SLC22A12: variants seen among roughly 807,000 people sequenced by gnomAD.
SLC22A12 encodes solute carrier family 22 member 12.
SLC22A12 carries 56 observed loss-of-function variants against 52.7 expected under a neutral mutation model. That is an observed-to-expected ratio of 1.06 (90% CI 0.86 to 1.33). SLC22A12 has a LOEUF of 1.33. Ranked by LOEUF, SLC22A12 falls within the 40% of genes most tolerant of loss-of-function variation. The pLI is 0.00. For synonymous variants in SLC22A12, 337 were observed against 324.6 expected (o/e 1.04, Z -0.41); for missense variants, 683 against 741.5 (o/e 0.92, Z 0.92).
intron 4 of SLC22A12, 144 bp from the exon 5 acceptor site, chr11:64,598,372 G>C: frequency 1.7e-6 from 2 of 1,150,850 alleles, no homozygotes; most frequent in Non-Finnish European, 2.5e-6. Context: ...AAGAGGGCTT[G>C]GCTGCCACAA....
chr11:64,593,422 T>C lies in SLC22A12; in HGVS notation c.524T>C (p.Val175Ala), dbSNP rs1355952130. The C allele has an allele frequency of 2.5e-6, 4 of 1,614,140 alleles. No individual in the cohort carries two copies. The highest frequency in any genetic ancestry group is 2.2e-5 in the East Asian group (1 of 44,884). Residue 175 changes from valine (V) to alanine (A), a missense_variant, in exon 3 of 10, where the codon GTG (valine) becomes GCG (alanine). Val to Ala is a moderately conservative substitution (Grantham distance 64). Transcript: ENST00000377574. Reference sequence around the variant, plus strand: ...TGCCGCAGGTTTGGGCGCAGGCTGGTGCTAACCTGGAGCTACCTTCAGATG... The same window carrying C: ...TGCCGCAGGTTTGGGCGCAGGCTGGCGCTAACCTGGAGCTACCTTCAGATG... Reference protein sequence around the residue: ...PASDRFGRRLVLTWSYLQMAV... With the variant: ...PASDRFGRRLALTWSYLQMAV...
chr11:64,599,728 G>C lies in SLC22A12; in HGVS notation c.1123G>C (p.Gly375Arg). Residue 375 changes from glycine (G) to arginine (R), a missense_variant, in exon 7 of 10, where the codon GGC (glycine) becomes CGC (arginine). Coordinates refer to ENST00000377574, the MANE Select transcript of SLC22A12 (RefSeq NM_144585.4). ...CCTGGCCCTGGACCTGCAGGCCCTGGGCAGCAACATCTTCCTGCTCCAAAT... is the reference window on the plus strand; with the variant it reads ...CCTGGCCCTGGACCTGCAGGCCCTGCGCAGCAACATCTTCCTGCTCCAAAT... ...FGLALDLQALGSNIFLLQMFI... is the reference protein window; with the variant it reads ...FGLALDLQALRSNIFLLQMFI... The C allele has an allele frequency of 6.2e-7, 1 of 1,611,792 alleles. No homozygotes were observed. Among genetic ancestry groups the C allele is most frequent in the Non-Finnish European group, 8.5e-7 (1 of 1,179,570 alleles).
chr11:64,598,787 C>T (rs1466380022), intron 5 of SLC22A12, 21 bp from the exon 6 acceptor site: 16 of 1,611,818 alleles, frequency 9.9e-6, no homozygotes, highest in Middle Eastern at 1.7e-4. Flanking sequence ...GTGCCAACAG[C>T]ACCCACCCCC....
Position 64,591,420 on chromosome 11 carries a change from T to C in SLC22A12, c.-137T>C. The C allele has an allele frequency of 8.3e-7, 1 of 1,199,738 alleles. No individual in the cohort carries two copies. Among genetic ancestry groups the C allele is most frequent in the Non-Finnish European group, 1.2e-6 (1 of 851,784 alleles). 74.3% of individuals were successfully genotyped at this position (1,199,738 alleles called of 1,614,324 possible). ...GAGCCTGAGCCTCCGGCCCCGAGTC[T>C]GTGAAGCCTAGCCGCTGGGCTGGAG... On this transcript the variant is annotated 5_prime_UTR_variant, in exon 1 of 10. Transcript: ENST00000377574.
chr11:64,601,944 T>C lies in SLC22A12; in HGVS notation c.*393T>C. The C allele has an allele frequency of 5.8e-6, 2 of 344,676 alleles. No homozygotes were observed. Among genetic ancestry groups the C allele is most frequent in the Non-Finnish European group, 1.1e-5 (2 of 175,006 alleles). 21.4% of individuals were successfully genotyped at this position (344,676 alleles called of 1,614,324 possible). On this transcript the variant is annotated 3_prime_UTR_variant, in exon 10 of 10. Coordinates refer to ENST00000377574, the MANE Select transcript of SLC22A12 (RefSeq NM_144585.4). The stretch of plus-strand genomic sequence containing the variant: ...AGAGCTCAGAGCTAACCACCATCCA[T>C]GGTCAAGACCTCTCCTAGCTCCACA...
intron 4 of SLC22A12, among the ~76,000 whole-genome samples, chr11:64,597,876 G>C (rs927986649): frequency 1.3e-5 from 2 of 152,270 alleles, no homozygotes; most frequent in African/African-American, 4.8e-5. Context: ...GAGGTGCTGG[G>C]CTCATGAGGC....
At chr11:64,598,973 G>A (rs765974206) in intron 6 of SLC22A12, 50 bp downstream of exon 6, 6 of 1,597,884 alleles carry the variant, frequency 3.8e-6, no homozygotes, top group East Asian at 2.3e-5. Flanking sequence ...CTGGAATCGG[G>A]GCTCTCGCTG....
At position 64,599,862 on chromosome 11, in the gene SLC22A12, C is replaced by T. The variant is rs2039393713; in HGVS notation, c.1257C>T (p.Cys419=). Residue 419 remains cysteine (C), a synonymous_variant, in exon 7 of 10, where the codon TGC becomes TGT. Transcript: ENST00000377574. The part of the protein sequence containing the change: ...LAASLLLAGL[C]ILANTLVPHE... ...CATCCCTGTTGCTGGCAGGGCTCTG[C>T]ATTCTGGCCAACACGCTGGTGCCCC... is the stretch of plus-strand genomic sequence containing the variant. The T allele has an allele frequency of 1.2e-5, 19 of 1,612,650 alleles. No homozygotes were observed. The highest frequency in any genetic ancestry group is 1.6e-5 in the Non-Finnish European group (19 of 1,179,766).
In SLC22A12 at chr11:64,601,952, A is replaced by G. The variant is rs534988414; in HGVS notation, c.*401A>G. ...GAGCTAACCACCATCCATGGTCAAG[A>G]CCTCTCCTAGCTCCACACAAGCAGT... On this transcript the variant is annotated 3_prime_UTR_variant, in exon 10 of 10. Coordinates refer to ENST00000377574, the MANE Select transcript of SLC22A12 (RefSeq NM_144585.4). 24 of 332,400 alleles carry G rather than the reference A, an allele frequency of 7.2e-5. No homozygotes were observed. The East Asian group carries it at 1.8e-3, about 24-fold the overall frequency. The allele number at this position is 332,400 out of a possible 1,614,324, so 20.6% of individuals were successfully genotyped here.
chr11:64,600,217 G>A, intron 7 of SLC22A12, 150 bp from the exon 8 acceptor site: 1 of 758,196 alleles, frequency 1.3e-6, no homozygotes, highest in East Asian at 2.7e-5. Context: ...GTGGCCATGA[G>A]GCCACTCAGG....
rs912750875 is a variant in SLC22A12, at chr11:64,601,730, G to A, written c.*179G>A. The A allele has an allele frequency of 1.2e-5, 8 of 669,802 alleles. No individual in the cohort carries two copies. The highest frequency in any genetic ancestry group is 2.1e-5 in the Non-Finnish European group (8 of 380,090). The allele number at this position is 669,802 out of a possible 1,614,324, so 41.5% of individuals were successfully genotyped here. A position where few individuals can be genotyped will look rare whatever the true frequency, so the allele number is the denominator to read the frequency against. Reference sequence around the variant, plus strand: ...CCCTGCCCCTCTCACAGTCCAAGGGGCCCCCTTCAATACTGAAGGGGAAAA... The same window carrying A: ...CCCTGCCCCTCTCACAGTCCAAGGGACCCCCTTCAATACTGAAGGGGAAAA... On this transcript the variant is annotated 3_prime_UTR_variant, in exon 10 of 10. Coordinates refer to ENST00000377574, the MANE Select transcript of SLC22A12 (RefSeq NM_144585.4).
chr11:64,600,528 GCACCCCCAGGCA>G, intron 8 of SLC22A12, 53 bp downstream of exon 8: 1 of 1,468,374 alleles, frequency 6.8e-7, no homozygotes, highest in East Asian at 2.4e-5. Flanking sequence ...GAGCTGCGGG[GCACCCCCAGGCA>G]GGACTGGCTT....
At position 64,600,865 on chromosome 11, in the gene SLC22A12, G is replaced by C; in HGVS notation, c.1525G>C (p.Gly509Arg). The part of the protein sequence containing the change: ...LVYGTVPVLS[G>R]LAALLLPETQ... ...GTATGGGACGGTGCCAGTGCTGAGTGGCCTGGCCGCACTGCTTCTGCCCGA... is the reference window on the plus strand; with the variant it reads ...GTATGGGACGGTGCCAGTGCTGAGTCGCCTGGCCGCACTGCTTCTGCCCGA... The change falls in exon 9 of 10, where the codon GGC becomes CGC. Residue 509 changes from glycine (G) to arginine (R), a missense_variant. Coordinates refer to ENST00000377574, the MANE Select transcript of SLC22A12 (RefSeq NM_144585.4). The C allele has an allele frequency of 6.2e-7, 1 of 1,609,168 alleles. No individual in the cohort carries two copies. Among genetic ancestry groups the C allele is most frequent in the Non-Finnish European group, 8.5e-7 (1 of 1,179,974 alleles).
chr11:64,591,414 C>T lies in SLC22A12; in HGVS notation c.-143C>T, dbSNP rs895427634. On this transcript the variant is annotated 5_prime_UTR_variant, in exon 1 of 10. Transcript: ENST00000377574. ...ACCAGAGAGCCTGAGCCTCCGGCCCCGAGTCTGTGAAGCCTAGCCGCTGGG... is the reference window on the plus strand; with the variant it reads ...ACCAGAGAGCCTGAGCCTCCGGCCCTGAGTCTGTGAAGCCTAGCCGCTGGG... 5.3e-6 allele frequency: 6 copies of T among 1,139,066 alleles called. No individual in the cohort carries two copies. The highest frequency in any genetic ancestry group is 1.5e-5 in the African/African-American group (1 of 64,792). The allele number at this position is 1,139,066 out of a possible 1,614,324, so 70.6% of individuals were successfully genotyped here. A position where few individuals can be genotyped will look rare whatever the true frequency, so the allele number is the denominator to read the frequency against.
Position 64,593,461 on chromosome 11 carries a change from C to A in SLC22A12, c.563C>A (p.Thr188Lys). 1 of 1,614,112 alleles carries A rather than the reference C, an allele frequency of 6.2e-7. No homozygotes were observed. ...WSYLQMAVMG[T>K]AAAFAPAFPV... The stretch of plus-strand genomic sequence containing the variant: ...TACCTTCAGATGGCTGTGATGGGTA[C>A]GGCAGCTGCCTTCGCCCCTGCCTTC... Residue 188 changes from threonine (T) to lysine (K), a missense_variant, in exon 3 of 10, where the codon ACG becomes AAG. Thr to Lys is a moderately conservative substitution (Grantham distance 78). Transcript: ENST00000377574.
At chr11:64,594,892 A>AATGG (rs1430231193) in intron 4 of SLC22A12, among the ~76,000 whole-genome samples, 1 of 114,284 alleles carries the variant, frequency 8.8e-6, no homozygotes, top group African/African-American at 3.3e-5. Flanking sequence ...GGATGGATGG[A>AATGG]ATGGATGGAT....
chr11:64,601,411 T>A, intron 9 of SLC22A12, 77 bp from the exon 10 acceptor site: 1 of 1,453,778 alleles, frequency 6.9e-7, no homozygotes, highest in Non-Finnish European at 9.5e-7. Flanking sequence ...TTCCCTGGAG[T>A]CCTTGGGATG....
In SLC22A12 at chr11:64,591,824, C is replaced by T. The variant is rs759293917; in HGVS notation, c.268C>T (p.Arg90Cys). The T allele has an allele frequency of 1.6e-5, 25 of 1,612,064 alleles. No homozygotes were observed. Among genetic ancestry groups the T allele is most frequent in the Middle Eastern group, 1.6e-4 (1 of 6,072 alleles). The change falls in exon 1 of 10, where the codon CGC becomes TGC. Residue 90 changes from arginine to cysteine, a missense_variant. Arg to Cys is a radical substitution (Grantham distance 180). Coordinates refer to ENST00000377574, the MANE Select transcript of SLC22A12 (RefSeq NM_144585.4). ...GPNQRPHQCR[R>C]FRQPQWQLLD... Reference sequence around the variant, plus strand: ...CAACCAGAGGCCCCACCAGTGCCGCCGCTTCCGCCAGCCACAGTGGCAGCT... The same window carrying T: ...CAACCAGAGGCCCCACCAGTGCCGCTGCTTCCGCCAGCCACAGTGGCAGCT...
chr11:64,595,497 G>T (rs1268483364), intron 4 of SLC22A12, among the ~76,000 whole-genome samples: 7 of 134,548 alleles, frequency 5.2e-5, no homozygotes, highest in Non-Finnish European at 9.5e-5. Context: ...GGATGGAATG[G>T]ATGGATGGAT....
Sources: gnomAD v4.1 joint callset for allele counts (sites outside exome capture counted in the v4.1 genomes callset) on GRCh38, gnomAD v4.1.1 for gene constraint, MANE v1.5 for transcripts, NCBI Gene and HGNC (gene_info 2026-07-23, HGNC 2026-07-21) for gene names.